USP6NL: variants seen among roughly 807,000 people sequenced by gnomAD.
The protein encoded by USP6NL is USP6 N-terminal-like protein.
Under a neutral mutation model 61.9 loss-of-function variants are expected in USP6NL, and 26 were observed. The ratio of observed to expected loss-of-function variants is 0.42; its 90% CI spans 0.31 to 0.58. The LOEUF (loss-of-function observed/expected upper bound fraction) is 0.58, where lower values mean the gene tolerates loss of function less well. USP6NL is among the 20% of genes least tolerant of loss of function. USP6NL has a pLI of 0.16. For missense variants in USP6NL, 1,114 were observed against 1,034.3 expected, an observed-to-expected ratio of 1.08 and a Z score of -1.06; for synonymous variants, 432 against 390.1, an observed-to-expected ratio of 1.11 and a Z score of -1.27.
intron 4 of USP6NL, among the ~76,000 whole-genome samples, chr10:11,521,820 T>C (rs947682246): frequency 1.3e-5 from 2 of 152,256 alleles, no homozygotes; most frequent in Non-Finnish European, 2.9e-5. Context: ...AAGCTTGGTA[T>C]TAATTTTATC....
At chr10:11,563,570 A>G (rs1380475533) in intron 2 of USP6NL, 2 of 152,236 alleles carry the variant, frequency 1.3e-5, no homozygotes, top group African/African-American at 4.8e-5. Flanking sequence ...TAAAAAGTAC[A>G]TGGGATTTCT....
At position 11,592,277 on chromosome 10, in the gene USP6NL, A is replaced by AGGGGCTGAAACCAGTGATT. The variant is rs1838180367; in HGVS notation, c.4+5353_4+5354insAATCACTGGTTTCAGCCCC. ...GTGTTAATAACAACGAAGTACACTA[A>AGGGGCTGAAACCAGTGATT]ACTAAGAAAGTAATCACACAAATTT... On this transcript the variant is annotated intron_variant, in intron 2 of 14. Transcript: ENST00000609104. The surrounding 1 kb of genome is among the most constrained non-coding windows in gnomAD (Gnocchi z 4.7). Among the ~76,000 whole-genome samples the AGGGGCTGAAACCAGTGATT allele has an allele frequency of 6.6e-6, 1 of 152,196 alleles. No homozygotes were observed. The highest frequency in any genetic ancestry group is 1.5e-5 in the Non-Finnish European group (1 of 68,032).
intron 5 of USP6NL, among the ~76,000 whole-genome samples, chr10:11,515,504 T>A (rs1367713084): frequency 6.6e-6 from 1 of 152,220 alleles, no homozygotes; most frequent in Non-Finnish European, 1.5e-5. Context: ...ACCTAAGACT[T>A]TCAACTGGCT....
chr10:11,496,889 G>A lies in USP6NL; in HGVS notation c.385-3661C>T, dbSNP rs906233668. On this transcript the variant is annotated intron_variant, in intron 7 of 14. Coordinates refer to ENST00000609104, the MANE Select transcript of USP6NL (RefSeq NM_014688.5). The surrounding 1 kb of genome is among the most constrained non-coding windows in gnomAD (Gnocchi z 5.4). ...TTTTGTGTATTGAAGGTCAGAGAAG[G>A]GGCTTCTGCAGCTTTTTAAAACAGG... Among the ~76,000 whole-genome samples, 1 of 151,962 alleles carries A rather than the reference G, an allele frequency of 6.6e-6. No homozygotes were observed. Among genetic ancestry groups the A allele is most frequent in the African/African-American group, 2.4e-5 (1 of 41,350 alleles).
Position 11,489,020 on chromosome 10 carries a change from C to T in USP6NL, c.664+82G>A. 6.4e-7 allele frequency: 1 copy of T among 1,561,878 alleles called. No individual in the cohort carries two copies. On this transcript the variant is annotated intron_variant, in intron 10 of 14. Transcript: ENST00000609104. This position sits in a 1 kb window ranked among gnomAD's most constrained non-coding sequence, Gnocchi z 5.7. Reference sequence around the variant, plus strand: ...GAGACATTAAATTTGCTGTATGTAACTCTTGCAAGCATCTTTGGTTTTGTT... The same window carrying T: ...GAGACATTAAATTTGCTGTATGTAATTCTTGCAAGCATCTTTGGTTTTGTT...
Position 11,595,901 on chromosome 10 carries a change from G to A in USP6NL, c.4+1730C>T, listed in dbSNP as rs1350588088. On this transcript the variant is annotated intron_variant, in intron 2 of 14. Transcript: ENST00000609104. This position sits in a 1 kb window ranked among gnomAD's most constrained non-coding sequence, Gnocchi z 5.3. ...GTGGATTAGTGGATATAAAGAACCA[G>A]TTAAAAATCTTGCAAATGAAATATA... Among the ~76,000 whole-genome samples, 1 of 152,206 alleles carries A rather than the reference G, an allele frequency of 6.6e-6. No individual in the cohort carries two copies. The highest frequency in any genetic ancestry group is 1.5e-5 in the Non-Finnish European group (1 of 68,028).
intron 5 of USP6NL, among the ~76,000 whole-genome samples, chr10:11,516,393 A>T (rs575589743): frequency 5.3e-5 from 8 of 152,324 alleles, no homozygotes; most frequent in African/African-American, 1.4e-4. Context: ...ATTCCATTTT[A>T]AAAATGTAAA....
At position 11,561,536 on chromosome 10, in the gene USP6NL, C is replaced by A. The variant is rs12763590; in HGVS notation, c.5-33969G>T. Among the ~76,000 whole-genome samples the A allele has an allele frequency of 2.0e-5, 3 of 152,158 alleles. No homozygotes were observed. Among genetic ancestry groups the A allele is most frequent in the Non-Finnish European group, 4.4e-5 (3 of 68,024 alleles). On this transcript the variant is annotated intron_variant, in intron 2 of 14. Transcript: ENST00000609104. This position sits in a 1 kb window ranked among gnomAD's most constrained non-coding sequence, Gnocchi z 4.1. ...CAAATATATTTCATAGACATTTTTCCAGGTCTGTTCAGATAAATTAAGCTT... is the reference window on the plus strand; with the variant it reads ...CAAATATATTTCATAGACATTTTTCAAGGTCTGTTCAGATAAATTAAGCTT...
rs539535522 is a variant in USP6NL at position 11,493,446 on chromosome 10, T to C, written c.385-218A>G. Reference sequence around the variant, plus strand: ...TACTGCCTGCTTCTCCCTCTTCCCCTACCTTCCTTCTCTTCCATCCTGTCT... The same window carrying C: ...TACTGCCTGCTTCTCCCTCTTCCCCCACCTTCCTTCTCTTCCATCCTGTCT... On this transcript the variant is annotated intron_variant, in intron 7 of 14. Coordinates refer to ENST00000609104, the MANE Select transcript of USP6NL (RefSeq NM_014688.5). 6.6e-5 allele frequency among the ~76,000 whole-genome samples: 10 copies of C among 152,320 alleles called. No individual in the cohort carries two copies. The South Asian group carries it at 2.1e-3, about 32-fold the overall frequency.
intron 14 of USP6NL, among the ~76,000 whole-genome samples, chr10:11,467,564 A>C (rs935437841): frequency 2.0e-5 from 3 of 152,254 alleles, no homozygotes; most frequent in African/African-American, 7.2e-5. Flanking sequence ...ATTATGAAAC[A>C]AAAATATGGT....
chr10:11,547,244 C>A lies in USP6NL; in HGVS notation c.5-19677G>T, dbSNP rs555824935. On this transcript the variant is annotated intron_variant, in intron 2 of 14. Coordinates refer to ENST00000609104, the MANE Select transcript of USP6NL (RefSeq NM_014688.5). ...CCACTAAGTCAGGCACTGTTTGGAGCAGGTTGGAGTGTTCTAAGCATATTT... is the reference window on the plus strand; with the variant it reads ...CCACTAAGTCAGGCACTGTTTGGAGAAGGTTGGAGTGTTCTAAGCATATTT... Among the ~76,000 whole-genome samples, 63 of 152,300 alleles carry A rather than the reference C, an allele frequency of 4.1e-4. 1 individual carries two copies. The South Asian group carries it at 0.011, about 26-fold the overall frequency.
At chr10:11,533,930 A>G (rs1055022681) in intron 2 of USP6NL, among the ~76,000 whole-genome samples, 10 of 152,202 alleles carry the variant, frequency 6.6e-5, no homozygotes, top group African/African-American at 2.4e-4. Flanking sequence ...GGCTCCTTTA[A>G]GCCCTCTTCT....
chr10:11,498,316 G>A (rs561155867), intron 7 of USP6NL, among the ~76,000 whole-genome samples: 6 of 147,492 alleles, frequency 4.1e-5, no homozygotes, highest in African/African-American at 7.6e-5. Flanking sequence ...CACTAAGGCT[G>A]TGGATGAAGC....
rs1838491556 is a variant in USP6NL, at chr10:11,600,691, T to TG, written c.-83-2975dup. ...TAAGCATTAAAAATGTTTATCAGGCTGGGCACGGTGGCTCACGCCTGTAAT... is the reference window on the plus strand; with the variant it reads ...TAAGCATTAAAAATGTTTATCAGGCTGGGGCACGGTGGCTCACGCCTGTAAT... On this transcript the variant is annotated intron_variant, in intron 1 of 14. Coordinates refer to ENST00000609104, the MANE Select transcript of USP6NL (RefSeq NM_014688.5). This position sits in a 1 kb window ranked among gnomAD's most constrained non-coding sequence, Gnocchi z 4.1. Among the ~76,000 whole-genome samples, 1 of 152,206 alleles carries TG rather than the reference T, an allele frequency of 6.6e-6. No homozygotes were observed. Among genetic ancestry groups the TG allele is most frequent in the South Asian group, 2.1e-4 (1 of 4,830 alleles).
chr10:11,470,207 A>G lies in USP6NL; in HGVS notation c.1079-6358T>C, dbSNP rs1167392747. 6.6e-6 allele frequency among the ~76,000 whole-genome samples: 1 copy of G among 152,154 alleles called. No homozygotes were observed. The highest frequency in any genetic ancestry group is 2.4e-5 in the African/African-American group (1 of 41,436). ...AATGGAGAGGACCAGAGAAGCAGCC[A>G]GCAGCGCAGAGGGCATGAGGATGGA... On this transcript the variant is annotated intron_variant, in intron 14 of 14. Transcript: ENST00000609104. The surrounding 1 kb of genome is among the most constrained non-coding windows in gnomAD (Gnocchi z 5.4).
At chr10:11,505,827 G>C (rs937894468) in intron 6 of USP6NL, among the ~76,000 whole-genome samples, 1 of 152,168 alleles carries the variant, frequency 6.6e-6, no homozygotes, top group Non-Finnish European at 1.5e-5. Context: ...AGTTTTGTGC[G>C]AGTGTGCGCC....
At chr10:11,488,140 T>C (rs1833552002) in intron 10 of USP6NL, among the ~76,000 whole-genome samples, 1 of 152,148 alleles carries the variant, frequency 6.6e-6, no homozygotes, top group Non-Finnish European at 1.5e-5. Flanking sequence ...GGGCGGGGGC[T>C]GTGGCTCACA....
chr10:11,576,713 A>C (rs1395532253), intron 2 of USP6NL, among the ~76,000 whole-genome samples: 2 of 152,230 alleles, frequency 1.3e-5, no homozygotes, highest in Non-Finnish European at 2.9e-5. Context: ...CCCAAACAGA[A>C]TAACACAAGG....
intron 1 of USP6NL, among the ~76,000 whole-genome samples, chr10:11,608,874 T>C (rs942423407): frequency 1.3e-5 from 2 of 152,200 alleles, no homozygotes; most frequent in African/African-American, 2.4e-5. Context: ...AATCCAAGTC[T>C]CTGTCGCTCC....
Sources: gnomAD v4.1 joint callset for allele counts (sites outside exome capture counted in the v4.1 genomes callset) on GRCh38, gnomAD v4.1.1 for gene constraint, Gnocchi (gnomAD v3.1) non-coding constraint, MANE v1.5 for transcripts, NCBI Gene and HGNC (gene_info 2026-07-23, HGNC 2026-07-21) for gene names.